The following CHD9 variants were observed in gnomAD, a reference collection of about 807,000 sequenced individuals.
CHD9 encodes ATP-dependent chromatin remodeler CHD9.
CHD9 carries 77 observed loss-of-function variants against 316.1 expected under a neutral mutation model. The observed-to-expected ratio is 0.24, with a 90% CI of 0.20 to 0.29. The LOEUF is 0.29. CHD9 is among the 10% of genes least tolerant of loss of function. The pLI is 1.00. For missense variants in CHD9, 2,763 were observed against 3,438.1 expected (o/e 0.80, Z 4.91); for synonymous variants, 1,129 against 1,158.3 (o/e 0.97, Z 0.51).
At chr16:53,109,834 G>C (rs1267554848) in intron 1 of CHD9, among the ~76,000 whole-genome samples, 4 of 151,312 alleles carry the variant, frequency 2.6e-5, no homozygotes, top group Non-Finnish European at 5.9e-5. Flanking sequence ...ACAGGCGCCC[G>C]CCACCACGCC....
chr16:53,252,999 A>G (rs2152972670), intron 17 of CHD9, among the ~76,000 whole-genome samples: 1 of 152,346 alleles, frequency 6.6e-6, no homozygotes, highest in East Asian at 1.9e-4. Flanking sequence ...GAGATTCCTT[A>G]AAGAACAAAA....
intron 1 of CHD9, among the ~76,000 whole-genome samples, chr16:53,118,332 G>A (rs545578212): frequency 2.5e-4 from 38 of 152,052 alleles, no homozygotes; most frequent in African/African-American, 8.2e-4. Flanking sequence ...CATGAGAATC[G>A]CTTGACCCTG....
At chr16:53,138,213 A>G (rs2039860719) in intron 1 of CHD9, among the ~76,000 whole-genome samples, 1 of 152,202 alleles carries the variant, frequency 6.6e-6, no homozygotes, top group Non-Finnish European at 1.5e-5. Flanking sequence ...AGGCTAAATG[A>G]TCTTAAGGTA....
intron 11 of CHD9, among the ~76,000 whole-genome samples, chr16:53,236,280 C>T (rs1177364356): frequency 6.6e-6 from 1 of 152,078 alleles, no homozygotes; most frequent in Non-Finnish European, 1.5e-5. Context: ...CCTTCACTCT[C>T]TGTATATGAC....
chr16:53,272,242 A>T (rs1465254099), intron 22 of CHD9, among the ~76,000 whole-genome samples: 1 of 137,332 alleles, frequency 7.3e-6, no homozygotes, highest in African/African-American at 2.8e-5. Context: ...ATCAATTGGA[A>T]TAAAAAAAAA....
Position 53,324,835 on chromosome 16 carries a change from A to G in CHD9, c.8634A>G (p.Ser2878=). 6.2e-7 allele frequency: 1 copy of G among 1,612,268 alleles called. No individual in the cohort carries two copies. Among genetic ancestry groups the G allele is most frequent in the Middle Eastern group, 1.7e-4 (1 of 6,056 alleles). The change falls in exon 39 of 39, where the codon TCA becomes TCG. Residue 2878 remains serine (S), a synonymous_variant. Coordinates refer to ENST00000447540, the MANE Select transcript of CHD9 (RefSeq NM_001308319.2). ...TDEGSEKADA[S]SGSDSTSSSS... ...AGGGTTCAGAGAAAGCTGATGCTTC[A>G]TCTGGATCTGATAGTACATCGTCGT...
intron 1 of CHD9, among the ~76,000 whole-genome samples, chr16:53,151,106 A>G (rs2041067129): frequency 6.6e-6 from 1 of 151,344 alleles, no homozygotes; most frequent in African/African-American, 2.4e-5. Context: ...TGTATATTTT[A>G]TTCTCTTGAT....
At chr16:53,175,235 C>T (rs529430209) in intron 2 of CHD9, among the ~76,000 whole-genome samples, 2 of 152,258 alleles carry the variant, frequency 1.3e-5, no homozygotes, top group South Asian at 4.1e-4. Context: ...CTCTGTGGAA[C>T]TCTCTCCTTT....
At chr16:53,116,046 C>T (rs553009469) in intron 1 of CHD9, among the ~76,000 whole-genome samples, 1 of 152,144 alleles carries the variant, frequency 6.6e-6, no homozygotes, top group South Asian at 2.1e-4. Context: ...CAAATACCAG[C>T]CTGACATTTT....
In CHD9 at chr16:53,215,211, C is replaced by T. The variant is rs201868413; in HGVS notation, c.1784+5398C>T. ...GATTACAGGCATAAGCCACCGTGCC[C>T]GGCCAACAATACATATCTGTTAAGA... On this transcript the variant is annotated intron_variant, in intron 3 of 38. Coordinates refer to ENST00000447540, the MANE Select transcript of CHD9 (RefSeq NM_001308319.2). Among the ~76,000 whole-genome samples, 37 of 152,296 alleles carry T rather than the reference C, an allele frequency of 2.4e-4. No homozygotes were observed. The East Asian group carries it at 6.6e-3, about 27-fold the overall frequency.
At chr16:53,136,622 G>A (rs184166339) in intron 1 of CHD9, among the ~76,000 whole-genome samples, 23 of 151,590 alleles carry the variant, frequency 1.5e-4, no homozygotes, top group Non-Finnish European at 2.9e-4. Flanking sequence ...TACAGTTGAA[G>A]CAACGGAGGT....
intron 13 of CHD9, among the ~76,000 whole-genome samples, chr16:53,244,488 G>A (rs1263872306): frequency 2.6e-5 from 4 of 152,200 alleles, no homozygotes; most frequent in African/African-American, 9.6e-5. Flanking sequence ...ACCGCGCCCG[G>A]CCTCAAAGCA....
At chr16:53,080,168 G>C (rs1201502117) in intron 1 of CHD9, among the ~76,000 whole-genome samples, 1 of 152,160 alleles carries the variant, frequency 6.6e-6, no homozygotes, top group Non-Finnish European at 1.5e-5. Flanking sequence ...TGGCATGGGG[G>C]AAAAGACCCA....
chr16:53,081,081 T>G (rs1490038739), intron 1 of CHD9, among the ~76,000 whole-genome samples: 1 of 152,222 alleles, frequency 6.6e-6, no homozygotes, highest in Non-Finnish European at 1.5e-5. Context: ...CCTTTTGCTT[T>G]GAAAGAAGCT....
At chr16:53,089,775 G>C (rs2152550817) in intron 1 of CHD9, among the ~76,000 whole-genome samples, 1 of 152,318 alleles carries the variant, frequency 6.6e-6, no homozygotes, top group South Asian at 2.1e-4. Context: ...TGGCAGTTGA[G>C]TATGTCAAGG....
intron 2 of CHD9, among the ~76,000 whole-genome samples, chr16:53,183,491 G>T (rs1315353372): frequency 6.6e-6 from 1 of 152,060 alleles, no homozygotes; most frequent in East Asian, 1.9e-4. Flanking sequence ...GCAAAAGAAG[G>T]TAAATATTAA....
At chr16:53,067,853 G>C (rs1026070780) in intron 1 of CHD9, among the ~76,000 whole-genome samples, 1 of 151,922 alleles carries the variant, frequency 6.6e-6, no homozygotes, top group Admixed American at 6.6e-5. Flanking sequence ...TAGAGCCCAG[G>C]AGTTTGGGAC....
intron 3 of CHD9, among the ~76,000 whole-genome samples, chr16:53,221,518 T>C (rs1031872740): frequency 6.6e-5 from 10 of 152,186 alleles, no homozygotes; most frequent in Non-Finnish European, 1.3e-4. Context: ...ATTACCGTGG[T>C]TTAAAATCAT....
chr16:53,101,692 G>T (rs925697378), intron 1 of CHD9, among the ~76,000 whole-genome samples: 2 of 152,190 alleles, frequency 1.3e-5, no homozygotes, highest in African/African-American at 4.8e-5. Flanking sequence ...ACAAGGCCTT[G>T]TACCTAATTT....
Sources: allele counts gnomAD v4.1 joint callset (sites outside exome capture counted in the v4.1 genomes callset), GRCh38; gene constraint gnomAD v4.1.1; transcripts MANE v1.5; gene names NCBI Gene and HGNC (gene_info 2026-07-23, HGNC 2026-07-21).